The following PRRT1B variants were observed in gnomAD, a reference collection of about 807,000 sequenced individuals.
The protein encoded by PRRT1B is proline rich transmembrane protein 1B, also known as dispanin subfamily D member 2.
chr9:131,550,332 T>TTA (rs1483967389), intron 1 of PRRT1B, among the ~76,000 whole-genome samples: 1 of 152,154 alleles, frequency 6.6e-6, no homozygotes, highest in African/African-American at 2.4e-5. Flanking sequence ...CATGCTTTCT[T>TTA]TACTATTCCT....
intron 1 of PRRT1B, among the ~76,000 whole-genome samples, chr9:131,547,913 C>T (rs1364204552): frequency 1.3e-5 from 2 of 152,164 alleles, no homozygotes; most frequent in Admixed American, 1.3e-4. Flanking sequence ...AAAGGAGATG[C>T]GTTTTATCTG....
intron 3 of PRRT1B, among the ~76,000 whole-genome samples, chr9:131,557,235 ACT>A (rs1951056522): frequency 6.6e-6 from 1 of 152,048 alleles, no homozygotes; most frequent in African/African-American, 2.4e-5. Context: ...ATGTGATGAC[ACT>A]CTAATAGAGA....
Position 131,550,945 on chromosome 9 carries a change from T to C in PRRT1B, c.26-3612T>C, listed in dbSNP as rs1349916719. 2.0e-3 allele frequency among the ~76,000 whole-genome samples: 268 copies of C among 134,728 alleles called. 1 individual carries two copies. The highest frequency in any genetic ancestry group is 4.1e-3 in the Admixed American group (55 of 13,492). 88.4% of individuals were successfully genotyped at this position (134,728 alleles called of 152,430 possible). A position where few individuals can be genotyped will look rare whatever the true frequency, so the allele number is the denominator to read the frequency against. ...TTCTTTTTCTTTTCTTTTTCTTTTT[T>C]TTTTTTTTTTTTTTTGAGACAGAGT... On this transcript the variant is annotated intron_variant, in intron 1 of 3. Coordinates refer to ENST00000636672, the Ensembl canonical transcript of PRRT1B.
chr9:131,549,567 G>A (rs562832694), intron 1 of PRRT1B, among the ~76,000 whole-genome samples: 1 of 152,304 alleles, frequency 6.6e-6, no homozygotes, highest in East Asian at 1.9e-4. Flanking sequence ...GACTCACGCT[G>A]CCCGATCGCC....
intron 1 of PRRT1B, among the ~76,000 whole-genome samples, chr9:131,552,464 T>C (rs541198932): frequency 1.1e-4 from 16 of 152,350 alleles, no homozygotes; most frequent in African/African-American, 3.8e-4. Flanking sequence ...AATAGTATGT[T>C]GTGTAGATTC....
At chr9:131,547,821 C>T (rs567635267) in intron 1 of PRRT1B, among the ~76,000 whole-genome samples, 43 of 152,334 alleles carry the variant, frequency 2.8e-4, no homozygotes, top group African/African-American at 1.0e-3. Context: ...ATCCCTCAAC[C>T]TCGTTCTCCT....
chr9:131,555,838 A>G (rs1564418129), intron 2 of PRRT1B, among the ~76,000 whole-genome samples: 1 of 152,204 alleles, frequency 6.6e-6, no homozygotes, highest in Admixed American at 6.5e-5. Context: ...GGTAGAGGGC[A>G]GGACTGAGGG....
chr9:131,547,015 C>G (rs576353406), intron 1 of PRRT1B, among the ~76,000 whole-genome samples: 1 of 148,176 alleles, frequency 6.7e-6, no homozygotes, highest in African/African-American at 2.5e-5. Context: ...CCCGAGATGA[C>G]GCGGGTTACG....
At chr9:131,552,496 G>A (rs1951018181) in intron 1 of PRRT1B, among the ~76,000 whole-genome samples, 1 of 150,088 alleles carries the variant, frequency 6.7e-6, no homozygotes. Flanking sequence ...ACAATTCCCT[G>A]GAGAAGGTGG....
chr9:131,545,634 G>C (rs1950968149), exon 1 of PRRT1B: 3 of 400,464 alleles, frequency 7.5e-6, no homozygotes, highest in Non-Finnish European at 1.3e-5. Flanking sequence ...AGGAGCTGGA[G>C]GGGCAGGTGC....
At chr9:131,552,319 C>A (rs984823302) in intron 1 of PRRT1B, among the ~76,000 whole-genome samples, 1 of 152,198 alleles carries the variant, frequency 6.6e-6, no homozygotes, top group South Asian at 2.1e-4. Context: ...CCTCATGGAG[C>A]ATGGTTATAA....
At chr9:131,549,288 A>G (rs1950995241) in intron 1 of PRRT1B, among the ~76,000 whole-genome samples, 2 of 152,176 alleles carry the variant, frequency 1.3e-5, no homozygotes, top group Non-Finnish European at 2.9e-5. Flanking sequence ...TCCAGGACAC[A>G]AGAACTTCAA....
chr9:131,550,874 G>GT (rs1026134185), intron 1 of PRRT1B, among the ~76,000 whole-genome samples: 7 of 143,612 alleles, frequency 4.9e-5, no homozygotes, highest in East Asian at 2.1e-4. Flanking sequence ...TTTAATACCT[G>GT]TTTTTTTTCT....
downstream of PRRT1B, among the ~76,000 whole-genome samples, chr9:131,559,449 A>C (rs546898428): frequency 6.6e-5 from 10 of 152,296 alleles, no homozygotes; most frequent in South Asian, 1.5e-3. Context: ...TCAAAAACAA[A>C]CAACCATTGC....
At chr9:131,553,135 T>C (rs1274972478) in intron 1 of PRRT1B, among the ~76,000 whole-genome samples, 2 of 152,178 alleles carry the variant, frequency 1.3e-5, no homozygotes, top group African/African-American at 2.4e-5. Flanking sequence ...TAAATATGTA[T>C]AACATACGAT....
chr9:131,547,264 T>G (rs1440496002), intron 1 of PRRT1B, among the ~76,000 whole-genome samples: 1 of 152,026 alleles, frequency 6.6e-6, no homozygotes, highest in Admixed American at 6.6e-5. Context: ...GTGAACTGCA[T>G]GTACACATCC....
intron 1 of PRRT1B, among the ~76,000 whole-genome samples, chr9:131,548,478 C>T (rs1164474604): frequency 2.0e-5 from 3 of 152,150 alleles, no homozygotes; most frequent in Non-Finnish European, 2.9e-5. Context: ...GAACACGGCA[C>T]TTTCGATTTT....
chr9:131,548,076 C>G (rs890299379), intron 1 of PRRT1B, among the ~76,000 whole-genome samples: 1 of 152,150 alleles, frequency 6.6e-6, no homozygotes. Context: ...CACCCACATT[C>G]CCTTGGTGGC....
At chr9:131,552,247 C>A (rs186484052) in intron 1 of PRRT1B, among the ~76,000 whole-genome samples, 349 of 152,344 alleles carry the variant, frequency 2.3e-3, no homozygotes, top group African/African-American at 7.8e-3. Context: ...GTGGTTCAAT[C>A]ACAGCTCACT....
Sources: gnomAD v4.1 joint callset for allele counts (sites outside exome capture counted in the v4.1 genomes callset) on GRCh38, gnomAD v4.1.1 for gene constraint, MANE v1.5 for transcripts, NCBI Gene and HGNC (gene_info 2026-07-23, HGNC 2026-07-21) for gene names.